Variants in RALGAPB observed in about 807,000 individuals in gnomAD.
RALGAPB encodes Ral GTPase activating protein non-catalytic subunit beta, also known as ral GTPase-activating protein subunit beta.
In RALGAPB, 25 loss-of-function variants were observed where a neutral mutation model predicts 161.1. The ratio of observed to expected loss-of-function variants is 0.16; its 90% confidence interval spans 0.11 to 0.22. The LOEUF (loss-of-function observed/expected upper bound fraction) is 0.22, where lower values mean the gene tolerates loss of function less well. Among genes scored for constraint, RALGAPB ranks in the 10% least tolerant of loss-of-function variants. RALGAPB has a pLI of 1.00. For missense variants in RALGAPB, 1,391 were observed against 1,815.2 expected (o/e 0.77, Z 4.25); for synonymous variants, 629 against 626.1 (o/e 1.00, Z -0.07).
In RALGAPB at chr20:38,573,077, C is replaced by CT. The variant is rs201320569; in HGVS notation, c.4143-1060dup. ...CATTTACTGTCTTTGTTGTTTTCAT[C>CT]TTTTTTTTTTTTTAATTTAAAAAAA... On this transcript the variant is annotated intron_variant, in intron 28 of 29. Coordinates refer to ENST00000262879, the MANE Select transcript of RALGAPB (RefSeq NM_020336.4). Among the ~76,000 whole-genome samples the CT allele has an allele frequency of 2.3e-3, 329 of 142,582 alleles. 1 individual carries two copies. The highest frequency in any genetic ancestry group is 0.019 in the East Asian group (96 of 4,934). 93.5% of individuals were successfully genotyped at this position (142,582 alleles called of 152,430 possible).
At chr20:38,523,347 G>GCA in intron 10 of RALGAPB, among the ~76,000 whole-genome samples, 1 of 152,290 alleles carries the variant, frequency 6.6e-6, no homozygotes, top group East Asian at 1.9e-4. Context: ...TGTTGTGGGG[G>GCA]CATGTTTCTC....
chr20:38,544,710 C>T (rs2087101091), intron 18 of RALGAPB, among the ~76,000 whole-genome samples: 1 of 152,200 alleles, frequency 6.6e-6, no homozygotes, highest in African/African-American at 2.4e-5. Flanking sequence ...TCAGGTGATC[C>T]ATCCACCTCG....
At chr20:38,518,632 T>C (rs867673879) in intron 9 of RALGAPB, among the ~76,000 whole-genome samples, 1 of 152,290 alleles carries the variant, frequency 6.6e-6, no homozygotes, top group South Asian at 2.1e-4. Flanking sequence ...TTAACTATTA[T>C]ATTTGAAAGT....
intron 9 of RALGAPB, 141 bp downstream of exon 9, chr20:38,518,141 C>T: frequency 1.3e-6 from 1 of 771,050 alleles, no homozygotes; most frequent in Non-Finnish European, 2.0e-6. Flanking sequence ...TGCTTAACCC[C>T]TTCCAGCTGA....
intron 18 of RALGAPB, among the ~76,000 whole-genome samples, chr20:38,545,644 C>G (rs2087137912): frequency 6.6e-6 from 1 of 152,192 alleles, no homozygotes; most frequent in Admixed American, 6.5e-5. Flanking sequence ...TATTTTTCTT[C>G]CATTTCCTCT....
In RALGAPB at chr20:38,577,702, C is replaced by CACAT. The variant is rs1336595689; in HGVS notation, c.*2738_*2739insTACA. On this transcript the variant is annotated 3_prime_UTR_variant, in exon 30 of 30. Coordinates refer to ENST00000262879, the MANE Select transcript of RALGAPB (RefSeq NM_020336.4). ...GGCCTTTGAAAGGACTAATCAGACA[C>CACAT]ACACACACACACACACACACACACA... The CACAT allele has an allele frequency of 7.2e-6, 1 of 139,818 alleles. No individual in the cohort carries two copies. Among genetic ancestry groups the CACAT allele is most frequent in the Non-Finnish European group, 1.5e-5 (1 of 67,722 alleles). 8.7% of individuals were successfully genotyped at this position (139,818 alleles called of 1,614,324 possible). A position where few individuals can be genotyped will look rare whatever the true frequency, so the allele number is the denominator to read the frequency against.
At chr20:38,475,882 G>T (rs1382050737) in intron 1 of RALGAPB, among the ~76,000 whole-genome samples, 1 of 152,120 alleles carries the variant, frequency 6.6e-6, no homozygotes, top group African/African-American at 2.4e-5. Flanking sequence ...CTCCCAAAGT[G>T]CTGGGATTAC....
chr20:38,488,167 C>T (rs537749619), intron 1 of RALGAPB, among the ~76,000 whole-genome samples: 5 of 152,214 alleles, frequency 3.3e-5, no homozygotes, highest in African/African-American at 9.6e-5. Flanking sequence ...TGTGTGATGC[C>T]TTTATCATAC....
At chr20:38,545,918 G>A (rs2087147193) in intron 18 of RALGAPB, among the ~76,000 whole-genome samples, 1 of 152,204 alleles carries the variant, frequency 6.6e-6, no homozygotes, top group Admixed American at 6.5e-5. Context: ...TAGGTTGCTG[G>A]TAAGGGAGTA....
intron 10 of RALGAPB, among the ~76,000 whole-genome samples, chr20:38,522,152 AG>A (rs1209993555): frequency 6.6e-6 from 1 of 152,258 alleles, no homozygotes; most frequent in Non-Finnish European, 1.5e-5. Flanking sequence ...GTGGGCATTC[AG>A]GGGAAGAAGC....
intron 6 of RALGAPB, 134 bp from the exon 7 acceptor site, chr20:38,516,057 GC>G: frequency 1.6e-6 from 1 of 620,010 alleles, no homozygotes; most frequent in Non-Finnish European, 2.6e-6. Context: ...TGAATCGCTG[GC>G]CCATTAAATA....
Position 38,544,178 on chromosome 20 carries a change from A to C in RALGAPB, c.2715-2065A>C, listed in dbSNP as rs139120861. Among the ~76,000 whole-genome samples the C allele has an allele frequency of 4.2e-3, 635 of 152,244 alleles. 2 individuals carry two copies. The highest frequency in any genetic ancestry group is 0.015 in the African/African-American group (604 of 41,550). ...TCTAACCCCCAAGGTTGCCCATTTC[A>C]TTTTAATTGTTAAAAACTTGATACT... On this transcript the variant is annotated intron_variant, in intron 18 of 29. Coordinates refer to ENST00000262879, the MANE Select transcript of RALGAPB (RefSeq NM_020336.4).
intron 5 of RALGAPB, among the ~76,000 whole-genome samples, chr20:38,504,577 A>G (rs575531522): frequency 1.1e-4 from 17 of 152,354 alleles, no homozygotes; most frequent in African/African-American, 4.1e-4. Flanking sequence ...ACAATCGACA[A>G]GTGGTACCTA....
Position 38,532,711 on chromosome 20 carries a change from T to G in RALGAPB, c.2116-19T>G. 1.9e-6 allele frequency: 3 copies of G among 1,611,884 alleles called. No homozygotes were observed. The highest frequency in any genetic ancestry group is 2.5e-6 in the Non-Finnish European group (3 of 1,178,070). On this transcript the variant is annotated intron_variant, in intron 14 of 29. Transcript: ENST00000262879. ...AAACTGTGATGTAATCCTCACTTGA[T>G]TCATTTTCATTTGACTAGGGTGGTG...
Position 38,517,998 on chromosome 20 carries a change from C to T in RALGAPB, c.1415C>T (p.Thr472Ile). ...HNGINRDSSM[T>I]AITTQASMEF... ...GGGATAAACAGAGACAGCAGCATGA[C>T]TGGTAAATATTACTCAAGAAATATG... The change falls in exon 9 of 30, where the codon ACT becomes ATT. Residue 472 changes from threonine (T) to isoleucine (I), a missense_variant and splice_region_variant. Thr to Ile is a moderately conservative substitution (Grantham distance 89, BLOSUM62 -1). Around this residue, in one of 3 missense-constraint regions of RALGAPB, gnomAD observed 946 missense variants for 1,257.2 expected, o/e 0.75. Transcript: ENST00000262879. 1 of 1,598,616 alleles carries T rather than the reference C, an allele frequency of 6.3e-7. No individual in the cohort carries two copies. The highest frequency in any genetic ancestry group is 8.6e-7 in the Non-Finnish European group (1 of 1,165,842).
At chr20:38,531,813 G>T (rs1020793353) in intron 14 of RALGAPB, among the ~76,000 whole-genome samples, 1 of 152,244 alleles carries the variant, frequency 6.6e-6, no homozygotes, top group Non-Finnish European at 1.5e-5. Context: ...TAAGATGGGT[G>T]ATCAAATTAT....
At chr20:38,516,779 C>T (rs545738746) in intron 7 of RALGAPB, 1 of 158,148 alleles carries the variant, frequency 6.3e-6, no homozygotes, top group Non-Finnish European at 1.4e-5. Flanking sequence ...CATTTGGGAC[C>T]ATTCTCATGT....
In RALGAPB at chr20:38,569,940, C is replaced by T. The variant is rs1414391521; in HGVS notation, c.4007C>T (p.Pro1336Leu). ...CTGCCTCAGGGTCGCCCTGTTCCTC[C>T]CCTTGGACCTGAGACAAGAGTTTCT... ...RKLPQGRPVPPLGPETRVSVV... is the reference protein window; with the variant it reads ...RKLPQGRPVPLLGPETRVSVV... The change falls in exon 27 of 30, where the codon CCC becomes CTC. Residue 1336 changes from proline to leucine, a missense_variant. Physicochemically the swap from Pro to Leu is moderately conservative, Grantham distance 98 (BLOSUM62 -3). Around this residue, in one of 3 missense-constraint regions of RALGAPB, gnomAD observed 436 missense variants for 527.0 expected, o/e 0.83. Transcript: ENST00000262879. The T allele has an allele frequency of 1.9e-6, 3 of 1,613,496 alleles. No individual in the cohort carries two copies. Among genetic ancestry groups the T allele is most frequent in the African/African-American group, 2.7e-5 (2 of 74,866 alleles).
intron 24 of RALGAPB, 134 bp downstream of exon 24, chr20:38,562,831 T>C (rs2087835122): frequency 2.0e-5 from 19 of 942,384 alleles, no homozygotes; most frequent in Non-Finnish European, 2.7e-5. Context: ...CATGCCTGTC[T>C]TCAAGAAGCC....
Sources: gnomAD v4.1 joint callset for allele counts (sites outside exome capture counted in the v4.1 genomes callset) on GRCh38, gnomAD v4.1.1 for gene constraint, gnomAD v4.1.1 regional missense constraint, MANE v1.5 for transcripts, NCBI Gene and HGNC (gene_info 2026-07-23, HGNC 2026-07-21) for gene names.